The following CENPP variants were observed in gnomAD, a reference collection of about 807,000 sequenced individuals.
The protein encoded by CENPP is centromere protein P.
CENPP carries 24 observed loss-of-function variants against 35.6 expected under a neutral mutation model. The observed-to-expected ratio is 0.67, with a 90% CI of 0.49 to 0.95. The LOEUF (loss-of-function observed/expected upper bound fraction) is 0.95. CENPP is among the 40% of genes least tolerant of loss of function. CENPP has a pLI of 0.00. For synonymous variants in CENPP, 120 were observed against 125.5 expected (o/e 0.96, Z 0.29); for missense variants, 332 against 345.3 (o/e 0.96, Z 0.31).
intron 5 of CENPP, chr9:92,493,951 C>A: frequency 1.4e-6 from 1 of 704,166 alleles, no homozygotes; most frequent in African/African-American, 1.8e-5. Flanking sequence ...GCTGTTAATC[C>A]AGGCCGTTGA....
At chr9:92,491,555 C>T (rs1846172341) in intron 5 of CENPP, among the ~76,000 whole-genome samples, 1 of 152,066 alleles carries the variant, frequency 6.6e-6, no homozygotes, top group African/African-American at 2.4e-5. Flanking sequence ...CATACCTTCC[C>T]GTCTTTACTG....
At chr9:92,374,394 G>A (rs1401729510) in intron 4 of CENPP, among the ~76,000 whole-genome samples, 4 of 151,886 alleles carry the variant, frequency 2.6e-5, no homozygotes, top group Non-Finnish European at 4.4e-5. Context: ...TAGTAGAGAC[G>A]GAGGTTTCTC....
intron 5 of CENPP, among the ~76,000 whole-genome samples, chr9:92,586,919 G>A (rs1455247338): frequency 7.3e-6 from 1 of 137,616 alleles, no homozygotes; most frequent in African/African-American, 2.6e-5. Context: ...CTGCATTCTG[G>A]TATTCAAAAT....
At chr9:92,582,190 A>G (rs1183063912) in intron 5 of CENPP, among the ~76,000 whole-genome samples, 4 of 152,084 alleles carry the variant, frequency 2.6e-5, no homozygotes, top group Non-Finnish European at 2.9e-5. Context: ...AGTAGCTGAG[A>G]CTACAGGCAC....
chr9:92,345,583 G>T, intron 3 of CENPP, 116 bp from the exon 4 acceptor site: 3 of 613,650 alleles, frequency 4.9e-6, no homozygotes, highest in Non-Finnish European at 8.5e-6. Context: ...TTTTGTTTCT[G>T]TCATGATTAC....
At chr9:92,377,699 A>T (rs888132436) in intron 4 of CENPP, among the ~76,000 whole-genome samples, 1 of 152,060 alleles carries the variant, frequency 6.6e-6, no homozygotes, top group Non-Finnish European at 1.5e-5. Flanking sequence ...TTTTGCCAAA[A>T]TTTTTTTGTT....
intron 5 of CENPP, among the ~76,000 whole-genome samples, chr9:92,563,034 T>C (rs1196623212): frequency 3.3e-5 from 5 of 152,224 alleles, no homozygotes; most frequent in Admixed American, 6.5e-5. Flanking sequence ...CTGTTTTTAT[T>C]TTTAAAGAGA....
chr9:92,374,425 C>T (rs1415806967), intron 4 of CENPP, among the ~76,000 whole-genome samples: 4 of 151,982 alleles, frequency 2.6e-5, no homozygotes, highest in African/African-American at 9.7e-5. Context: ...AGGCTGGTCT[C>T]GAACTCCCAA....
intron 4 of CENPP, among the ~76,000 whole-genome samples, chr9:92,354,794 G>A (rs1482207301): frequency 2.6e-5 from 4 of 152,080 alleles, no homozygotes; most frequent in African/African-American, 4.8e-5. Flanking sequence ...CATAAGTGTC[G>A]GCTGGCTGAG....
chr9:92,408,489 C>T (rs1475667680), intron 5 of CENPP, among the ~76,000 whole-genome samples: 3 of 152,082 alleles, frequency 2.0e-5, no homozygotes, highest in African/African-American at 7.2e-5. Context: ...CAGCTGAGTT[C>T]TAGTTTTGAT....
intron 5 of CENPP, among the ~76,000 whole-genome samples, chr9:92,507,706 C>T (rs1847090473): frequency 6.6e-6 from 1 of 152,174 alleles, no homozygotes; most frequent in East Asian, 1.9e-4. Context: ...TTAGTTGTTT[C>T]AGTCATTAGT....
At chr9:92,481,853 A>T (rs1369846616) in intron 5 of CENPP, among the ~76,000 whole-genome samples, 2 of 152,184 alleles carry the variant, frequency 1.3e-5, no homozygotes, top group African/African-American at 4.8e-5. Context: ...CACATTTTAA[A>T]TACACATTAG....
At chr9:92,468,021 A>G (rs1845376681) in intron 5 of CENPP, among the ~76,000 whole-genome samples, 1 of 152,222 alleles carries the variant, frequency 6.6e-6, no homozygotes. Flanking sequence ...TAAATTTAGC[A>G]GGAATTATTA....
At chr9:92,496,617 A>G in intron 5 of CENPP, 1 of 1,082,276 alleles carries the variant, frequency 9.2e-7, no homozygotes, top group Non-Finnish European at 1.2e-6. Flanking sequence ...ATAAATTCCA[A>G]CTACGTCAGA....
intron 5 of CENPP, among the ~76,000 whole-genome samples, chr9:92,580,480 T>C (rs902203320): frequency 6.6e-6 from 1 of 152,134 alleles, no homozygotes; most frequent in Non-Finnish European, 1.5e-5. Context: ...CAATTTCAGC[T>C]CCTGTTATTG....
chr9:92,405,355 T>G (rs1323361148), intron 5 of CENPP, among the ~76,000 whole-genome samples: 1 of 152,094 alleles, frequency 6.6e-6, no homozygotes, highest in Non-Finnish European at 1.5e-5. Context: ...ACTTTTCTCC[T>G]TTAAGCTAAA....
chr9:92,547,613 G>A (rs1849499947), intron 5 of CENPP, among the ~76,000 whole-genome samples: 1 of 152,178 alleles, frequency 6.6e-6, no homozygotes, highest in African/African-American at 2.4e-5. Context: ...CAAAATAGAC[G>A]AATCCATTGA....
chr9:92,560,786 C>T (rs922131940), intron 5 of CENPP, among the ~76,000 whole-genome samples: 6 of 151,998 alleles, frequency 3.9e-5, no homozygotes, highest in Admixed American at 3.3e-4. Context: ...GTTCTGCTTC[C>T]GCATTTATGG....
intron 5 of CENPP, among the ~76,000 whole-genome samples, chr9:92,525,662 G>A (rs1002183807): frequency 6.6e-6 from 1 of 152,094 alleles, no homozygotes; most frequent in African/African-American, 2.4e-5. Flanking sequence ...AGGCCAAGGT[G>A]GGTGGATCAC....
Sources: allele counts gnomAD v4.1 joint callset (sites outside exome capture counted in the v4.1 genomes callset), GRCh38; gene constraint gnomAD v4.1.1; transcripts MANE v1.5; gene names NCBI Gene and HGNC (gene_info 2026-07-23, HGNC 2026-07-21).